The following ADGRB2 variants were observed in gnomAD, a reference collection of about 807,000 sequenced individuals.
ADGRB2 encodes the protein adhesion G protein-coupled receptor B2.
Under a neutral mutation model 178.7 loss-of-function variants are expected in ADGRB2, and 47 were observed. That is an observed-to-expected ratio of 0.26 (90% CI 0.21 to 0.34). ADGRB2 has a LOEUF of 0.34. Ranked by LOEUF, ADGRB2 falls within the 10% of genes least tolerant of loss-of-function variation. The pLI is 1.00. For synonymous variants in ADGRB2, 870 were observed against 912.4 expected (o/e 0.95, Z 0.84); for missense variants, 1,584 against 2,180.8 (o/e 0.73, Z 5.45).
chr1:31,732,266 TGCCCATGGCCCATA>T (rs1249560854), intron 27 of ADGRB2, 112 bp from the exon 28 acceptor site: 26 of 1,456,476 alleles, frequency 1.8e-5, no homozygotes, highest in Non-Finnish European at 2.2e-5. Context: ...GCCTTAGGGC[TGCCCATGGCCCATA>T]GCCCATGGCC....
In ADGRB2 at chr1:31,761,231, C is replaced by T. The variant is rs1032946674; in HGVS notation, c.-191+2653G>A. The stretch of plus-strand genomic sequence containing the variant: ...CCGGCCACACTACCCAGAGGACTTC[C>T]AGCCATCACAGGTTCGAGTCCCCTT... On this transcript the variant is annotated intron_variant, in intron 1 of 32. Transcript: ENST00000373658. This position sits in a 1 kb window ranked among gnomAD's most constrained non-coding sequence, Gnocchi z 4.2. 6.6e-6 allele frequency among the ~76,000 whole-genome samples: 1 copy of T among 152,340 alleles called. No homozygotes were observed. The highest frequency in any genetic ancestry group is 2.4e-5 in the African/African-American group (1 of 41,574).
chr1:31,741,791 G>A lies in ADGRB2; in HGVS notation c.1585+9C>T, dbSNP rs1008720510. On this transcript the variant is annotated intron_variant, in intron 9 of 32. Coordinates refer to ENST00000373658, the MANE Select transcript of ADGRB2 (RefSeq NM_001364857.2). This position sits in a 1 kb window ranked among gnomAD's most constrained non-coding sequence, Gnocchi z 6.5. ...GGGCCCCCAGCCCCCAGGGTCATTA[G>A]GGCAGTACCTGGACACCTCTTCTCA... 1 of 1,595,404 alleles carries A rather than the reference G, an allele frequency of 6.3e-7. No individual in the cohort carries two copies. Among genetic ancestry groups the A allele is most frequent in the Non-Finnish European group, 8.6e-7 (1 of 1,167,402 alleles).
intron 4 of ADGRB2, among the ~76,000 whole-genome samples, chr1:31,751,276 C>T (rs748664055): frequency 2.6e-5 from 4 of 152,208 alleles, no homozygotes; most frequent in Admixed American, 1.3e-4. Context: ...TGACTTGGGG[C>T]GGCTCACAAA....
Position 31,730,856 on chromosome 1 carries a change from T to C in ADGRB2, c.4324A>G (p.Ser1442Gly). Residue 1442 changes from serine to glycine, a missense_variant, in exon 29 of 33, where the codon AGC becomes GGC. Ser to Gly is a moderately conservative substitution (Grantham distance 56). This residue lies in a region of ADGRB2 where 865 missense variants were observed against 1,192.8 expected (regional missense o/e 0.73). Transcript: ENST00000373658. ...GGCACGGTGCGAGGCATGGTCCGGC[T>C]GCGCTCCCCTGGCTCGGGCACTTGG... ...ARQVPEPGER[S>G]RTMPRTVPGS... The C allele has an allele frequency of 6.5e-7, 1 of 1,542,572 alleles. No homozygotes were observed. The highest frequency in any genetic ancestry group is 1.3e-5 in the South Asian group (1 of 78,896).
Position 31,730,866 on chromosome 1 carries a change from T to C in ADGRB2, c.4314A>G (p.Pro1438=). ...PTPSARQVPE[P]GERSRTMPRT... Reference sequence around the variant, plus strand: ...GAGGCATGGTCCGGCTGCGCTCCCCTGGCTCGGGCACTTGGCGGGCGCTGG... The same window carrying C: ...GAGGCATGGTCCGGCTGCGCTCCCCCGGCTCGGGCACTTGGCGGGCGCTGG... Residue 1438 remains proline (P), a synonymous_variant, in exon 29 of 33, where the codon CCA becomes CCG. Coordinates refer to ENST00000373658, the MANE Select transcript of ADGRB2 (RefSeq NM_001364857.2). 2 of 1,557,254 alleles carry C rather than the reference T, an allele frequency of 1.3e-6. No individual in the cohort carries two copies. The highest frequency in any genetic ancestry group is 1.2e-5 in the South Asian group (1 of 81,402).
chr1:31,736,699 A>G lies in ADGRB2; in HGVS notation c.3004T>C (p.Phe1002Leu). 1 of 1,613,994 alleles carries G rather than the reference A, an allele frequency of 6.2e-7. No homozygotes were observed. Among genetic ancestry groups the G allele is most frequent in the South Asian group, 1.1e-5 (1 of 91,080 alleles). ...GAGGAGAGAAAGAAGAAGTGCAGGA[A>G]GGCAGCCGTCATGGTGCACACGCCC... ...SKGVCTMTAAFLHFFFLSSFC... is the reference protein window; with the variant it reads ...SKGVCTMTAALLHFFFLSSFC... The change falls in exon 21 of 33, where the codon TTC (phenylalanine) becomes CTC (leucine). Residue 1002 changes from phenylalanine to leucine, a missense_variant. Phe to Leu is a conservative substitution (Grantham distance 22). Transcript: ENST00000373658.
intron 26 of ADGRB2, 94 bp downstream of exon 26, chr1:31,732,878 C>T (rs1308275153): frequency 1.6e-5 from 23 of 1,452,444 alleles, no homozygotes; most frequent in East Asian, 2.5e-5. Context: ...GCACCCTGGT[C>T]GGGGCCTCGA....
chr1:31,733,892 C>T lies in ADGRB2; in HGVS notation c.3453-749G>A, dbSNP rs905701115. Among the ~76,000 whole-genome samples, 3 of 152,200 alleles carry T rather than the reference C, an allele frequency of 2.0e-5. No homozygotes were observed. Among genetic ancestry groups the T allele is most frequent in the African/African-American group, 7.2e-5 (3 of 41,454 alleles). ...CCCACCCCTCCCTAACCTGCTATAG[C>T]ACATGAGGGACAGCCAGGCCACCAT... is the stretch of plus-strand genomic sequence containing the variant. On this transcript the variant is annotated intron_variant, in intron 25 of 32. Transcript: ENST00000373658. This position sits in a 1 kb window ranked among gnomAD's most constrained non-coding sequence, Gnocchi z 4.3.
rs1557728068 is a variant in ADGRB2 at position 31,728,684 on chromosome 1, C to G, written c.4381-51G>C. On this transcript the variant is annotated intron_variant, in intron 29 of 32. Transcript: ENST00000373658. This position sits in a 1 kb window ranked among gnomAD's most constrained non-coding sequence, Gnocchi z 6.7. ...TGGAGGAGAAGAAAGCTTTTTACCACCGGCAGGGGCTTTAGAGACAGGAAG... is the reference window on the plus strand; with the variant it reads ...TGGAGGAGAAGAAAGCTTTTTACCAGCGGCAGGGGCTTTAGAGACAGGAAG... 1.0e-5 allele frequency: 16 copies of G among 1,604,308 alleles called. No homozygotes were observed. Among genetic ancestry groups the G allele is most frequent in the Non-Finnish European group, 1.4e-5 (16 of 1,171,620 alleles).
chr1:31,731,152 G>A lies in ADGRB2; in HGVS notation c.4028C>T (p.Thr1343Ile), dbSNP rs1382763483. The change falls in exon 29 of 33, where the codon ACT (threonine) becomes ATT (isoleucine). Residue 1343 changes from threonine (T) to isoleucine (I), a missense_variant. Thr to Ile is a moderately conservative substitution (Grantham distance 89). Transcript: ENST00000373658. ...GTAGTCTCCCTCAGAGCCTGGCTCA[G>A]TGGGCCGCAGCCATGTGAGGTCCAG... ...RQLDLTWLRPTEPGSEGDYMV... is the reference protein window; with the variant it reads ...RQLDLTWLRPIEPGSEGDYMV... 5 of 1,596,204 alleles carry A rather than the reference G, an allele frequency of 3.1e-6. No individual in the cohort carries two copies. The highest frequency in any genetic ancestry group is 4.3e-6 in the Non-Finnish European group (5 of 1,172,050).
Position 31,761,769 on chromosome 1 carries a change from T to C in ADGRB2, c.-191+2115A>G, listed in dbSNP as rs1423286142. Among the ~76,000 whole-genome samples the C allele has an allele frequency of 6.6e-6, 1 of 152,152 alleles. No homozygotes were observed. Among genetic ancestry groups the C allele is most frequent in the East Asian group, 1.9e-4 (1 of 5,202 alleles). ...AAGGCACTGGAACCTGTTTTTCATTTTTCTCCTTTGGGATTAGGAGTGGAG... is the reference window on the plus strand; with the variant it reads ...AAGGCACTGGAACCTGTTTTTCATTCTTCTCCTTTGGGATTAGGAGTGGAG... On this transcript the variant is annotated intron_variant, in intron 1 of 32. Transcript: ENST00000373658. The surrounding 1 kb of genome is among the most constrained non-coding windows in gnomAD (Gnocchi z 4.2).
chr1:31,730,806 G>A lies in ADGRB2; in HGVS notation c.4374C>T (p.Ser1458=). 1 of 1,500,284 alleles carries A rather than the reference G, an allele frequency of 6.7e-7. No homozygotes were observed. Among genetic ancestry groups the A allele is most frequent in the Non-Finnish European group, 8.9e-7 (1 of 1,124,744 alleles). 92.9% of individuals were successfully genotyped at this position (1,500,284 alleles called of 1,614,324 possible). The change falls in exon 29 of 33, where the codon TCC becomes TCT. Residue 1458 remains serine, a synonymous_variant. Transcript: ENST00000373658. ...TVPGSTMKMG[S]LERKKLRYSD... ...ATTCCCTACAGCCCCTCACCTCCAG[G>A]GAGCCCATCTTCATGGTAGAGCCGG...
chr1:31,742,908 G>T lies in ADGRB2; in HGVS notation c.1182C>A (p.Pro394=), dbSNP rs920421292. The part of the protein sequence containing the change: ...SRSRMRTCVP[P]QHGGKACEGP... Reference sequence around the variant, plus strand: ...CCTCGCAGGCCTTGCCGCCGTGCTGGGGGGGCACGCAGGTCCGCATCCGGC... The same window carrying T: ...CCTCGCAGGCCTTGCCGCCGTGCTGTGGGGGCACGCAGGTCCGCATCCGGC... The change falls in exon 7 of 33, where the codon CCC becomes CCA. Residue 394 remains proline (P), a synonymous_variant. Coordinates refer to ENST00000373658, the MANE Select transcript of ADGRB2 (RefSeq NM_001364857.2). 2 of 1,542,258 alleles carry T rather than the reference G, an allele frequency of 1.3e-6. No individual in the cohort carries two copies. The highest frequency in any genetic ancestry group is 2.5e-5 in the East Asian group (1 of 40,340).
chr1:31,745,941 T>C (rs1646249959), intron 4 of ADGRB2, among the ~76,000 whole-genome samples: 1 of 152,056 alleles, frequency 6.6e-6, no homozygotes, highest in South Asian at 2.1e-4. Context: ...TCATCCACTC[T>C]GGGGCCTTTC....
chr1:31,739,176 A>G, intron 15 of ADGRB2, 132 bp downstream of exon 15: 1 of 1,063,474 alleles, frequency 9.4e-7, no homozygotes, highest in South Asian at 1.8e-5. Flanking sequence ...GTCCAGAGCC[A>G]GGCAAGGGGT....
Position 31,731,148 on chromosome 1 carries a change from C to T in ADGRB2, c.4032G>A (p.Glu1344=), listed in dbSNP as rs1335301230. ...QLDLTWLRPT[E]PGSEGDYMVL... ...CCATGTAGTCTCCCTCAGAGCCTGG[C>T]TCAGTGGGCCGCAGCCATGTGAGGT... The change falls in exon 29 of 33, where the codon GAG becomes GAA. Residue 1344 remains glutamate, a synonymous_variant. Transcript: ENST00000373658. 1 of 1,595,362 alleles carries T rather than the reference C, an allele frequency of 6.3e-7. No homozygotes were observed. The highest frequency in any genetic ancestry group is 8.5e-7 in the Non-Finnish European group (1 of 1,171,670).
In ADGRB2 at chr1:31,735,780, G is replaced by A; in HGVS notation, c.3267+47C>T. 6.3e-7 allele frequency: 1 copy of A among 1,593,618 alleles called. No individual in the cohort carries two copies. Among genetic ancestry groups the A allele is most frequent in the South Asian group, 1.1e-5 (1 of 89,180 alleles). ...GAGGAGGTAGAGGGAGAAACAGGATGACCCTCTGGGGCCATGCCCCTTCCA... is the reference window on the plus strand; with the variant it reads ...GAGGAGGTAGAGGGAGAAACAGGATAACCCTCTGGGGCCATGCCCCTTCCA... On this transcript the variant is annotated intron_variant, in intron 23 of 32. Coordinates refer to ENST00000373658, the MANE Select transcript of ADGRB2 (RefSeq NM_001364857.2). This position sits in a 1 kb window ranked among gnomAD's most constrained non-coding sequence, Gnocchi z 6.0.
intron 4 of ADGRB2, among the ~76,000 whole-genome samples, chr1:31,750,184 T>C (rs1646494048): frequency 6.6e-6 from 1 of 152,200 alleles, no homozygotes; most frequent in Non-Finnish European, 1.5e-5. Flanking sequence ...GGTTTCGATA[T>C]GCTGGTCCTC....
At chr1:31,757,621 C>T (rs966362621) in intron 1 of ADGRB2, 110 bp from the exon 2 acceptor site, 3 of 220,748 alleles carry the variant, frequency 1.4e-5, no homozygotes, top group Non-Finnish European at 2.7e-5. Flanking sequence ...GTTTTCTCAT[C>T]TGTAAAATGG....
Sources: allele counts gnomAD v4.1 joint callset (sites outside exome capture counted in the v4.1 genomes callset), GRCh38; gene constraint gnomAD v4.1.1; regional missense constraint gnomAD v4.1.1; non-coding constraint Gnocchi (gnomAD v3.1); transcripts MANE v1.5; gene names NCBI Gene and HGNC (gene_info 2026-07-23, HGNC 2026-07-21).